Variants in PI4KB observed in about 807,000 individuals in gnomAD.
The protein encoded by PI4KB is phosphatidylinositol 4-kinase beta, also known as PtdIns 4-kinase beta.
In PI4KB, 23 loss-of-function variants were observed where a neutral mutation model predicts 81.4. That is an observed-to-expected ratio of 0.28 (90% CI 0.20 to 0.40). PI4KB has a LOEUF of 0.40. Ranked by LOEUF, PI4KB falls within the 10% of genes least tolerant of loss-of-function variation. The pLI is 1.00. For missense variants in PI4KB, 651 were observed against 1,036.6 expected (o/e 0.63, Z 5.11); for synonymous variants, 381 against 406.8 (o/e 0.94, Z 0.76).
In PI4KB at chr1:151,292,651, A is replaced by G. The variant is rs1694393107; in HGVS notation, c.*201T>C. 2 of 582,922 alleles carry G rather than the reference A, an allele frequency of 3.4e-6. No homozygotes were observed. The highest frequency in any genetic ancestry group is 2.1e-5 in the South Asian group (1 of 48,302). 36.1% of individuals were successfully genotyped at this position (582,922 alleles called of 1,614,324 possible). A position where few individuals can be genotyped will look rare whatever the true frequency, so the allele number is the denominator to read the frequency against. On this transcript the variant is annotated 3_prime_UTR_variant, in exon 12 of 12. Transcript: ENST00000368873. Reference sequence around the variant, plus strand: ...GACCAGGAGGGGCAGGGAAGCCCCAACAAGTCTGGACCCCACAGCTGGCTC... The same window carrying G: ...GACCAGGAGGGGCAGGGAAGCCCCAGCAAGTCTGGACCCCACAGCTGGCTC...
rs1557787957 is a variant in PI4KB at position 151,298,933 on chromosome 1, C to T, written c.1890G>A (p.Leu630=). The change falls in exon 9 of 12, where the codon TTG becomes TTA. Residue 630 remains leucine, a synonymous_variant. Coordinates refer to ENST00000368873, the MANE Select transcript of PI4KB (RefSeq NM_001369623.2). ...HQVKKQSQLS[L]LDYFLQEHGS... Reference sequence around the variant, plus strand: ...CGTGCTCCTGTAGGAAGTAATCGAGCAAGGAGAGCTGTGACTGTTTCTTCA... The same window carrying T: ...CGTGCTCCTGTAGGAAGTAATCGAGTAAGGAGAGCTGTGACTGTTTCTTCA... 1.2e-6 allele frequency: 2 copies of T among 1,614,052 alleles called. No homozygotes were observed. Among genetic ancestry groups the T allele is most frequent in the African/African-American group, 2.7e-5 (2 of 74,926 alleles).
chr1:151,294,535 A>G lies in PI4KB; in HGVS notation c.2022T>C (p.Asn674=). ...CTTCTGCGTCCAAAAGGATATTCCC[A>G]TTGTGTCTGAGGAGGGGGAATAGAG... ...CYLLQVKDRH[N]GNILLDAEGH... The change falls in exon 10 of 12, where the codon AAT becomes AAC. Residue 674 remains asparagine (N), a synonymous_variant. Transcript: ENST00000368873. 6.2e-7 allele frequency: 1 copy of G among 1,613,986 alleles called. No individual in the cohort carries two copies.
In PI4KB at chr1:151,303,528, G is replaced by C. The variant is rs759417685; in HGVS notation, c.1520+13C>G. 5.3e-6 allele frequency: 8 copies of C among 1,515,484 alleles called. No homozygotes were observed. The highest frequency in any genetic ancestry group is 7.3e-6 in the Non-Finnish European group (8 of 1,090,176). The allele number at this position is 1,515,484 out of a possible 1,614,324, so 93.9% of individuals were successfully genotyped here. ...AGGGATGAAAAATGAGGGGCAATGT[G>C]ATCTGGCCATACCGGATGTCCCCTG... On this transcript the variant is annotated intron_variant, in intron 6 of 11. Coordinates refer to ENST00000368873, the MANE Select transcript of PI4KB (RefSeq NM_001369623.2).
At chr1:151,324,635 T>A (rs1466555312) in intron 1 of PI4KB, 1 of 318,392 alleles carries the variant, frequency 3.1e-6, no homozygotes, top group East Asian at 1.7e-4. Flanking sequence ...GGCTGAGAAC[T>A]CTGTGCAGAG....
rs865929983 is a variant in PI4KB at position 151,315,759 on chromosome 1, G to A, written c.723C>T (p.Leu241=). ...TGTGAGCTGGCTTTAGCTCATCTGA[G>A]AGGATCAGCTTCCGTAGCTTGGTCC... is the stretch of plus-strand genomic sequence containing the variant. ...SRGTKLRKLI[L]SDELKPAHRK... is the part of the protein sequence containing the mutation. Residue 241 remains leucine (L), a synonymous_variant, in exon 2 of 12, where the codon CTC becomes CTT. Transcript: ENST00000368873. 6.2e-7 allele frequency: 1 copy of A among 1,613,678 alleles called. No homozygotes were observed. Among genetic ancestry groups the A allele is most frequent in the Non-Finnish European group, 8.5e-7 (1 of 1,179,704 alleles).
chr1:151,315,754 T>C lies in PI4KB; in HGVS notation c.728A>G (p.Asp243Gly), dbSNP rs1486267627. 1.2e-6 allele frequency: 2 copies of C among 1,613,694 alleles called. No homozygotes were observed. The highest frequency in any genetic ancestry group is 1.7e-6 in the Non-Finnish European group (2 of 1,179,722). Reference protein sequence around the residue: ...GTKLRKLILSDELKPAHRKRE... With the variant: ...GTKLRKLILSGELKPAHRKRE... ...CTTCCTGTGAGCTGGCTTTAGCTCA[T>C]CTGAGAGGATCAGCTTCCGTAGCTT... The change falls in exon 2 of 12, where the codon GAT (aspartate) becomes GGT (glycine). Residue 243 changes from aspartate to glycine, a missense_variant. Physicochemically the swap from Asp to Gly is moderately conservative, Grantham distance 94. Around this residue, in one of 5 missense-constraint regions of PI4KB, gnomAD observed 314 missense variants for 397.8 expected, o/e 0.79. Transcript: ENST00000368873.
intron 1 of PI4KB, among the ~76,000 whole-genome samples, chr1:151,324,218 C>A (rs1649294215): frequency 1.3e-5 from 2 of 152,298 alleles, no homozygotes; most frequent in East Asian, 3.9e-4. Context: ...ACCTCAGCCT[C>A]CCGAAGTGCT....
intron 2 of PI4KB, 123 bp from the exon 3 acceptor site, chr1:151,310,378 C>T (rs996487187): frequency 4.6e-6 from 3 of 652,906 alleles, no homozygotes; most frequent in Non-Finnish European, 8.2e-6. Context: ...TTCTACCTTT[C>T]TGCTTTAATA....
In PI4KB at chr1:151,294,144, A is replaced by G; in HGVS notation, c.2149-6T>C. ...CCATCCAGGCCGCCCATCACCTGGA[A>G]AGGGAAGAGAGCGTTGTGTGCACAA... On this transcript the variant is annotated splice_region_variant and splice_polypyrimidine_tract_variant and intron_variant, in intron 10 of 11. Transcript: ENST00000368873. The G allele has an allele frequency of 6.2e-7, 1 of 1,611,488 alleles. No homozygotes were observed. Among genetic ancestry groups the G allele is most frequent in the Non-Finnish European group, 8.5e-7 (1 of 1,178,498 alleles).
chr1:151,308,577 T>C (rs1353180288), intron 3 of PI4KB, among the ~76,000 whole-genome samples: 1 of 152,196 alleles, frequency 6.6e-6, no homozygotes, highest in Non-Finnish European at 1.5e-5. Flanking sequence ...CCCCTACCTC[T>C]CAGTGACTAG....
chr1:151,302,862 C>T (rs587607609), intron 6 of PI4KB, among the ~76,000 whole-genome samples: 2 of 150,756 alleles, frequency 1.3e-5, no homozygotes, highest in East Asian at 2.0e-4. Context: ...GGATTACAGG[C>T]GTGAGCCACC....
At chr1:151,296,352 C>G (rs1198139364) in intron 9 of PI4KB, among the ~76,000 whole-genome samples, 1 of 152,158 alleles carries the variant, frequency 6.6e-6, no homozygotes, top group African/African-American at 2.4e-5. Context: ...GGAATGAGCA[C>G]AGGGTCTAAA....
Position 151,294,443 on chromosome 1 carries a change from G to A in PI4KB, c.2114C>T (p.Thr705Met), listed in dbSNP as rs1276735332. The A allele has an allele frequency of 3.7e-6, 6 of 1,613,784 alleles. No homozygotes were observed. Among genetic ancestry groups the A allele is most frequent in the East Asian group, 2.2e-5 (1 of 44,866 alleles). The stretch of plus-strand genomic sequence containing the variant: ...CTCTGTGGTCAGCTTAAAGGCTGAC[G>A]TCTCAAAGCCCAGATTTCGGGGTGA... ...SSSPRNLGFE[T>M]SAFKLTTEFV... The change falls in exon 10 of 12, where the codon ACG becomes ATG. Residue 705 changes from threonine to methionine, a missense_variant. Transcript: ENST00000368873.
Position 151,316,148 on chromosome 1 carries a change from T to A in PI4KB, c.334A>T (p.Thr112Ser). 6.2e-7 allele frequency: 1 copy of A among 1,614,086 alleles called. No individual in the cohort carries two copies. Among genetic ancestry groups the A allele is most frequent in the East Asian group, 2.2e-5 (1 of 44,890 alleles). The change falls in exon 2 of 12, where the codon ACA becomes TCA. Residue 112 changes from threonine to serine, a missense_variant. This residue lies in a region of PI4KB where 314 missense variants were observed against 397.8 expected (regional missense o/e 0.79). Coordinates refer to ENST00000368873, the MANE Select transcript of PI4KB (RefSeq NM_001369623.2). ...DEMGAAVASG[T>S]AKGARRRRQN... Reference sequence around the variant, plus strand: ...CGCCGTCTTCTTGCTCCTTTGGCTGTGCCTGAGGCCACAGCGGCCCCCATC... The same window carrying A: ...CGCCGTCTTCTTGCTCCTTTGGCTGAGCCTGAGGCCACAGCGGCCCCCATC...
intron 9 of PI4KB, 47 bp downstream of exon 9, chr1:151,298,759 CAG>C: frequency 6.3e-7 from 1 of 1,585,880 alleles, no homozygotes; most frequent in Non-Finnish European, 8.6e-7. Context: ...CACGAAGGGA[CAG>C]AGAGAACCCT....
chr1:151,326,341 C>G (rs570494009), intron 1 of PI4KB: 26 of 623,168 alleles, frequency 4.2e-5, no homozygotes, highest in Non-Finnish European at 7.3e-5. Flanking sequence ...GCTCACAACA[C>G]ATTTTTCTTC....
At chr1:151,322,548 T>C (rs1054619969) in intron 1 of PI4KB, among the ~76,000 whole-genome samples, 1 of 152,122 alleles carries the variant, frequency 6.6e-6, no homozygotes, top group African/African-American at 2.4e-5. Flanking sequence ...TTTTTCAAAA[T>C]TTTTTCCATG....
intron 1 of PI4KB, among the ~76,000 whole-genome samples, chr1:151,316,814 T>G (rs183047236): frequency 1.1e-3 from 167 of 152,006 alleles, no homozygotes; most frequent in African/African-American, 3.9e-3. Context: ...ACAAATTCTT[T>G]TTGTTGTTGT....
chr1:151,304,423 G>A (rs1288631540), intron 5 of PI4KB, among the ~76,000 whole-genome samples: 4 of 148,128 alleles, frequency 2.7e-5, no homozygotes, highest in Non-Finnish European at 5.9e-5. Context: ...GGCTCACTGC[G>A]ACCTCCGCCT....
Sources: gnomAD v4.1 joint callset for allele counts (sites outside exome capture counted in the v4.1 genomes callset) on GRCh38, gnomAD v4.1.1 for gene constraint, gnomAD v4.1.1 regional missense constraint, MANE v1.5 for transcripts, NCBI Gene and HGNC (gene_info 2026-07-23, HGNC 2026-07-21) for gene names.